LIN28A: variants seen among roughly 807,000 people sequenced by gnomAD.
LIN28A encodes the protein lin-28 RNA binding posttranscriptional regulator A.
In LIN28A, 11 loss-of-function variants were observed where a neutral mutation model predicts 21.1. The observed-to-expected ratio is 0.52, with a 90% CI of 0.33 to 0.86. The LOEUF is 0.86. Ranked by LOEUF, LIN28A falls within the 40% of genes least tolerant of loss-of-function variation. The pLI is 0.03. For missense variants in LIN28A, 219 were observed against 279.8 expected (o/e 0.78, Z 1.55); for synonymous variants, 111 against 108.7 (o/e 1.02, Z -0.13).
intron 1 of LIN28A, 70 bp downstream of exon 1, chr1:26,410,992 T>G: frequency 3.2e-6 from 5 of 1,567,384 alleles, no homozygotes; most frequent in Non-Finnish European, 4.3e-6. Context: ...AGAAGGGAGG[T>G]GGGGAACTGA....
At chr1:26,418,739 A>G (rs2075011839) in intron 2 of LIN28A, among the ~76,000 whole-genome samples, 1 of 152,104 alleles carries the variant, frequency 6.6e-6, no homozygotes, top group Admixed American at 6.6e-5. Context: ...AAGAGACCCA[A>G]GGGGAGGGGG....
At chr1:26,423,413 C>CTTTT (rs1202952934) in intron 2 of LIN28A, among the ~76,000 whole-genome samples, 3,003 of 78,826 alleles carry the variant, frequency 0.038, 18 homozygotes, top group Non-Finnish European at 0.043. Context: ...TTTTCTTTTT[C>CTTTT]TTTTTTTTTT....
Position 26,425,287 on chromosome 1 carries a change from C to T in LIN28A, c.229-16C>T, listed in dbSNP as rs1483702185. 2 of 1,606,722 alleles carry T rather than the reference C, an allele frequency of 1.2e-6. No individual in the cohort carries two copies. Among genetic ancestry groups the T allele is most frequent in the Admixed American group, 3.4e-5 (2 of 59,010 alleles). The stretch of plus-strand genomic sequence containing the variant: ...TGGAAATTAATGTTAAAATTTACTG[C>T]ATTTCCCTTCACCAGAGTAAGCTGC... On this transcript the variant is annotated splice_polypyrimidine_tract_variant and intron_variant, in intron 2 of 3. Coordinates refer to ENST00000326279, the MANE Select transcript of LIN28A (RefSeq NM_024674.6).
chr1:26,424,794 T>G (rs1024221104), intron 2 of LIN28A, among the ~76,000 whole-genome samples: 16 of 152,152 alleles, frequency 1.1e-4, no homozygotes, highest in Admixed American at 1.0e-3. Context: ...CAGGCTGGAG[T>G]GCAATAGTGT....
chr1:26,417,102 A>T (rs987445300), intron 2 of LIN28A, among the ~76,000 whole-genome samples: 2 of 152,268 alleles, frequency 1.3e-5, no homozygotes, highest in South Asian at 4.2e-4. Flanking sequence ...TGTGGAGATA[A>T]ATCTACCCGA....
chr1:26,422,971 C>T (rs1422133062), intron 2 of LIN28A, among the ~76,000 whole-genome samples: 3 of 152,032 alleles, frequency 2.0e-5, no homozygotes, highest in Non-Finnish European at 2.9e-5. Flanking sequence ...CTTACTCTGT[C>T]GCCCAGGCTG....
chr1:26,411,719 C>A lies in LIN28A; in HGVS notation c.228+137C>A. 1 of 810,976 alleles carries A rather than the reference C, an allele frequency of 1.2e-6. No homozygotes were observed. Among genetic ancestry groups the A allele is most frequent in the Non-Finnish European group, 2.0e-6 (1 of 505,344 alleles). 50.2% of individuals were successfully genotyped at this position (810,976 alleles called of 1,614,324 possible). On this transcript the variant is annotated intron_variant, in intron 2 of 3. Coordinates refer to ENST00000326279, the MANE Select transcript of LIN28A (RefSeq NM_024674.6). This position sits in a 1 kb window ranked among gnomAD's most constrained non-coding sequence, Gnocchi z 5.4. Reference sequence around the variant, plus strand: ...CATCCCTGTCTTTGCTTCGGCACCCCAATTCTGAGTCCCTGTTAACTATCT... The same window carrying A: ...CATCCCTGTCTTTGCTTCGGCACCCAAATTCTGAGTCCCTGTTAACTATCT...
At position 26,427,631 on chromosome 1, in the gene LIN28A, T is replaced by G. The variant is rs2075067730; in HGVS notation, c.*1173T>G. The G allele has an allele frequency of 6.6e-6, 1 of 152,236 alleles. No individual in the cohort carries two copies. Among genetic ancestry groups the G allele is most frequent in the South Asian group, 2.1e-4 (1 of 4,834 alleles). The allele number at this position is 152,236 out of a possible 1,614,324, so 9.4% of individuals were successfully genotyped here. ...CCTATGGCACAGGACGTGCTTTACA[T>G]CTCCAGATCTGTTCTTCACCAGATT... On this transcript the variant is annotated 3_prime_UTR_variant, in exon 4 of 4. Transcript: ENST00000326279.
chr1:26,425,297 C>T lies in LIN28A; in HGVS notation c.229-6C>T. ...TGTTAAAATTTACTGCATTTCCCTTCACCAGAGTAAGCTGCACATGGAAGG... is the reference window on the plus strand; with the variant it reads ...TGTTAAAATTTACTGCATTTCCCTTTACCAGAGTAAGCTGCACATGGAAGG... On this transcript the variant is annotated splice_region_variant and splice_polypyrimidine_tract_variant and intron_variant, in intron 2 of 3. Coordinates refer to ENST00000326279, the MANE Select transcript of LIN28A (RefSeq NM_024674.6). 1 of 1,610,278 alleles carries T rather than the reference C, an allele frequency of 6.2e-7. No individual in the cohort carries two copies. Among genetic ancestry groups the T allele is most frequent in the South Asian group, 1.1e-5 (1 of 90,520 alleles).
chr1:26,423,432 T>G (rs1417308487), intron 2 of LIN28A, among the ~76,000 whole-genome samples: 1 of 135,914 alleles, frequency 7.4e-6, no homozygotes, highest in Non-Finnish European at 1.6e-5. Flanking sequence ...TTTTTTTTTT[T>G]TTTTGTTGTT....
At position 26,428,774 on chromosome 1, in the gene LIN28A, G is replaced by A. The variant is rs2075075590; in HGVS notation, c.*2316G>A. 6.6e-6 allele frequency: 1 copy of A among 152,082 alleles called. No homozygotes were observed. Among genetic ancestry groups the A allele is most frequent in the African/African-American group, 2.4e-5 (1 of 41,412 alleles). 9.4% of individuals were successfully genotyped at this position (152,082 alleles called of 1,614,324 possible). ...GCTGGTCTGGAACTCCTGACCTCAG[G>A]TGATCTGCCCACCTTGGCTTCCCAA... On this transcript the variant is annotated 3_prime_UTR_variant, in exon 4 of 4. Transcript: ENST00000326279.
chr1:26,417,207 A>G (rs1436017265), intron 2 of LIN28A, among the ~76,000 whole-genome samples: 4 of 152,228 alleles, frequency 2.6e-5, no homozygotes, highest in African/African-American at 9.6e-5. Flanking sequence ...CAGGCTGAGC[A>G]GCGCCATCTG....
chr1:26,423,413 C>CTTTTTTTTTT lies in LIN28A; in HGVS notation c.229-1876_229-1867dup, dbSNP rs1202952934. ...TTATGATTTCCTTTTTTTTCTTTTT[C>CTTTTTTTTTT]TTTTTTTTTTTTTTTTTTTTTTTGT... On this transcript the variant is annotated intron_variant, in intron 2 of 3. Transcript: ENST00000326279. Among the ~76,000 whole-genome samples, 488 of 78,814 alleles carry CTTTTTTTTTT rather than the reference C, an allele frequency of 6.2e-3. 2 individuals carry two copies. The highest frequency in any genetic ancestry group is 8.3e-3 in the Admixed American group (40 of 4,844). 51.7% of individuals were successfully genotyped at this position (78,814 alleles called of 152,430 possible).
chr1:26,420,164 T>TG (rs1317491778), intron 2 of LIN28A, among the ~76,000 whole-genome samples: 4 of 152,060 alleles, frequency 2.6e-5, no homozygotes, highest in Admixed American at 2.6e-4. Flanking sequence ...TTCGCCCTGT[T>TG]GCCCAGGCTG....
intron 2 of LIN28A, among the ~76,000 whole-genome samples, chr1:26,419,849 A>G (rs1232441015): frequency 2.6e-5 from 4 of 152,186 alleles, no homozygotes; most frequent in African/African-American, 9.7e-5. Flanking sequence ...TGAAGCTGGA[A>G]TTGCTTGGGT....
Position 26,420,601 on chromosome 1 carries a change from CA to C in LIN28A, c.229-4684del, listed in dbSNP as rs10643062. ...CATGGGCGACAGAGCAAGACTTTCT[CA>C]AAAAAAAAAAAAAAAAATTAAGTGA... On this transcript the variant is annotated intron_variant, in intron 2 of 3. Coordinates refer to ENST00000326279, the MANE Select transcript of LIN28A (RefSeq NM_024674.6). 8.7e-4 allele frequency among the ~76,000 whole-genome samples: 113 copies of C among 129,206 alleles called. 1 individual carries two copies. The highest frequency in any genetic ancestry group is 7.6e-3 in the Middle Eastern group (2 of 262). 84.8% of individuals were successfully genotyped at this position (129,206 alleles called of 152,430 possible).
chr1:26,421,017 A>G (rs1275874864), intron 2 of LIN28A, among the ~76,000 whole-genome samples: 2 of 150,952 alleles, frequency 1.3e-5, no homozygotes, highest in African/African-American at 4.9e-5. Flanking sequence ...CTGTATCAAC[A>G]ACTACTTTTT....
At position 26,427,827 on chromosome 1, in the gene LIN28A, C is replaced by T. The variant is rs1320198551; in HGVS notation, c.*1369C>T. The T allele has an allele frequency of 2.0e-5, 3 of 152,746 alleles. No homozygotes were observed. The East Asian group carries it at 5.8e-4, about 29-fold the overall frequency. The allele number at this position is 152,746 out of a possible 1,614,324, so 9.5% of individuals were successfully genotyped here. A position where few individuals can be genotyped will look rare whatever the true frequency, so the allele number is the denominator to read the frequency against. The stretch of plus-strand genomic sequence containing the variant: ...TCAAAATTTTCGGGTTCCAGGGAGA[C>T]ACACAAGCGAGGGTTTTGTGGTGCC... On this transcript the variant is annotated 3_prime_UTR_variant, in exon 4 of 4. Transcript: ENST00000326279.
chr1:26,425,618 C>T (rs1557427244), intron 3 of LIN28A, 131 bp downstream of exon 3: 4 of 821,376 alleles, frequency 4.9e-6, no homozygotes, highest in South Asian at 1.8e-5. Flanking sequence ...GAAGGCTGAG[C>T]GCCTGCAATA....
Sources: allele counts gnomAD v4.1 joint callset (sites outside exome capture counted in the v4.1 genomes callset), GRCh38; gene constraint gnomAD v4.1.1; non-coding constraint Gnocchi (gnomAD v3.1); transcripts MANE v1.5; gene names NCBI Gene and HGNC (gene_info 2026-07-23, HGNC 2026-07-21).